The following INSYN2B variants were observed in gnomAD, a reference collection of about 807,000 sequenced individuals.
The protein encoded by INSYN2B is inhibitory synaptic factor family member 2B.
INSYN2B carries 16 observed loss-of-function variants against 41.2 expected under a neutral mutation model. The observed-to-expected ratio is 0.39, with a 90% CI of 0.26 to 0.59. The LOEUF (loss-of-function observed/expected upper bound fraction) is 0.59. Among genes scored for constraint, INSYN2B ranks in the 20% least tolerant of loss-of-function variants. INSYN2B has a pLI of 0.57. For missense variants in INSYN2B, 608 were observed against 646.4 expected (o/e 0.94, Z 0.64); for synonymous variants, 245 against 244.4 (o/e 1.00, Z -0.02).
intron 1 of INSYN2B, among the ~76,000 whole-genome samples, chr5:169,950,216 A>G (rs1776602565): frequency 6.6e-6 from 1 of 152,194 alleles, no homozygotes; most frequent in Non-Finnish European, 1.5e-5. Context: ...GTCAGATTCA[A>G]ACCCCAGCTC....
chr5:169,944,462 G>A (rs1561842475), intron 1 of INSYN2B, among the ~76,000 whole-genome samples: 1 of 152,242 alleles, frequency 6.6e-6, no homozygotes, highest in Non-Finnish European at 1.5e-5. Flanking sequence ...GATGCTGAAG[G>A]AGGCAGGAGA....
In INSYN2B at chr5:169,911,498, C is replaced by G. The variant is rs1774596654; in HGVS notation, c.-918-26682G>C. 3.3e-5 allele frequency among the ~76,000 whole-genome samples: 5 copies of G among 152,308 alleles called. No homozygotes were observed. The South Asian group carries it at 1.0e-3, about 32-fold the overall frequency. On this transcript the variant is annotated intron_variant, in intron 1 of 3. Transcript: ENST00000377365. ...GTTTAATGTGGCCAGTGACATTTTT[C>G]CAAGTCTGTTTATTACCTGCTGGTG...
chr5:169,870,190 G>C (rs1771864019), intron 3 of INSYN2B, among the ~76,000 whole-genome samples: 1 of 152,184 alleles, frequency 6.6e-6, no homozygotes, highest in Non-Finnish European at 1.5e-5. Context: ...TGCATTTAGA[G>C]AGTGAGCTAT....
intron 1 of INSYN2B, among the ~76,000 whole-genome samples, chr5:169,903,965 T>TGGCAGGAG (rs375077358): frequency 1.5e-4 from 23 of 151,792 alleles, no homozygotes; most frequent in African/African-American, 5.3e-4. Flanking sequence ...CTGGGCGTGG[T>TGGCAGGAG]CCTGTAATCC....
At chr5:169,864,859 C>A (rs746893775) in intron 3 of INSYN2B, among the ~76,000 whole-genome samples, 29 of 152,184 alleles carry the variant, frequency 1.9e-4, no homozygotes, top group Non-Finnish European at 3.1e-4. Flanking sequence ...GTTTCATTAT[C>A]TGTAAAATGG....
intron 1 of INSYN2B, among the ~76,000 whole-genome samples, chr5:169,925,285 A>G (rs1775376785): frequency 6.6e-6 from 1 of 152,146 alleles, no homozygotes; most frequent in South Asian, 2.1e-4. Context: ...GGTGACTGAA[A>G]CCCTGCAGGT....
chr5:169,887,856 A>G (rs979985179), intron 1 of INSYN2B, among the ~76,000 whole-genome samples: 2 of 152,208 alleles, frequency 1.3e-5, no homozygotes, highest in Non-Finnish European at 2.9e-5. Flanking sequence ...CCATTACTGC[A>G]TGAGAAGGTC....
At chr5:169,922,579 G>A (rs113622749) in intron 1 of INSYN2B, among the ~76,000 whole-genome samples, 1 of 152,300 alleles carries the variant, frequency 6.6e-6, no homozygotes, top group South Asian at 2.1e-4. Flanking sequence ...TTGAGGATTT[G>A]CAGTTTAGAG....
chr5:169,875,621 A>C lies in INSYN2B; in HGVS notation c.1421+5747T>G, dbSNP rs538557146. 31 of 227,528 alleles carry C rather than the reference A, an allele frequency of 1.4e-4. 2 individuals are homozygous for C. The South Asian group carries it at 1.7e-3, about 13-fold the overall frequency. The allele number at this position is 227,528 out of a possible 1,614,324, so 14.1% of individuals were successfully genotyped here. On this transcript the variant is annotated intron_variant, in intron 3 of 3. Coordinates refer to ENST00000377365, the MANE Select transcript of INSYN2B (RefSeq NM_001129891.3). ...CTTCAATTGCCTAATCTGAATGTTGAGCAAGTGCCTGACCCTTCCTGAGCA... is the reference window on the plus strand; with the variant it reads ...CTTCAATTGCCTAATCTGAATGTTGCGCAAGTGCCTGACCCTTCCTGAGCA...
chr5:169,934,804 T>C (rs1775913523), intron 1 of INSYN2B: 5 of 442,278 alleles, frequency 1.1e-5, no homozygotes, highest in South Asian at 8.0e-5. Flanking sequence ...CATTATTATC[T>C]GTATGATAAA....
At chr5:169,910,073 G>T (rs1285714320) in intron 1 of INSYN2B, among the ~76,000 whole-genome samples, 1 of 152,056 alleles carries the variant, frequency 6.6e-6, no homozygotes, top group East Asian at 1.9e-4. Flanking sequence ...TACTCTGAAT[G>T]GCACCAAAGC....
intron 3 of INSYN2B, among the ~76,000 whole-genome samples, chr5:169,880,822 CT>C (rs1332401947): frequency 6.6e-6 from 1 of 152,104 alleles, no homozygotes; most frequent in East Asian, 1.9e-4. Flanking sequence ...CCTTTTGTCA[CT>C]TATAAAAATT....
intron 1 of INSYN2B, among the ~76,000 whole-genome samples, chr5:169,940,035 G>C (rs535917582): frequency 6.6e-6 from 1 of 152,314 alleles, no homozygotes; most frequent in East Asian, 1.9e-4. Context: ...CCATTCCCCA[G>C]GGAGTTTTCT....
rs1467876679 is a variant in INSYN2B, at chr5:169,883,990, A to G, written c.-92T>C. 22 of 1,248,934 alleles carry G rather than the reference A, an allele frequency of 1.8e-5. No individual in the cohort carries two copies. Among genetic ancestry groups the G allele is most frequent in the Admixed American group, 3.0e-5 (1 of 32,846 alleles). The allele number at this position is 1,248,934 out of a possible 1,614,324, so 77.4% of individuals were successfully genotyped here. A position where few individuals can be genotyped will look rare whatever the true frequency, so the allele number is the denominator to read the frequency against. On this transcript the variant is annotated 5_prime_UTR_variant, in exon 2 of 4. Coordinates refer to ENST00000377365, the MANE Select transcript of INSYN2B (RefSeq NM_001129891.3). ...AGCAGTATCTAATGATAGTATTTCAATCATAGAGAACTGCTGGCCAGGATG... is the reference window on the plus strand; with the variant it reads ...AGCAGTATCTAATGATAGTATTTCAGTCATAGAGAACTGCTGGCCAGGATG...
At chr5:169,974,856 T>C (rs12332191) in intron 1 of INSYN2B, among the ~76,000 whole-genome samples, 20 of 131,166 alleles carry the variant, frequency 1.5e-4, no homozygotes, top group East Asian at 2.3e-4. Context: ...CACACACACA[T>C]GTTTCCATGG....
intron 1 of INSYN2B, among the ~76,000 whole-genome samples, chr5:169,936,578 C>CTTTTTT (rs4041977): frequency 8.1e-5 from 10 of 122,816 alleles, no homozygotes; most frequent in East Asian, 4.8e-4. Context: ...TCTCAGACTC[C>CTTTTTT]TTTTTTTTTT....
intron 1 of INSYN2B, among the ~76,000 whole-genome samples, chr5:169,936,599 T>TTTA (rs1436303619): frequency 7.6e-6 from 1 of 130,786 alleles, no homozygotes; most frequent in African/African-American, 3.0e-5. Context: ...TTTTTTTTTT[T>TTTA]ATGAATTAGC....
chr5:169,926,827 A>C (rs1775483701), intron 1 of INSYN2B, among the ~76,000 whole-genome samples: 1 of 152,230 alleles, frequency 6.6e-6, no homozygotes, highest in Admixed American at 6.5e-5. Flanking sequence ...CAGTGGAAAC[A>C]CAGGATGAAC....
At position 169,964,460 on chromosome 5, in the gene INSYN2B, C is replaced by T. The variant is rs148878227; in HGVS notation, c.-919+15817G>A. On this transcript the variant is annotated intron_variant, in intron 1 of 3. Transcript: ENST00000377365. The stretch of plus-strand genomic sequence containing the variant: ...AGAGGCCTGGGAGGGGGCAGCTAGA[C>T]GCAGTGAACTGTGTCAGACAGGTGG... Among the ~76,000 whole-genome samples the T allele has an allele frequency of 1.5e-3, 236 of 152,362 alleles. 2 individuals are homozygous for T. Among genetic ancestry groups the T allele is most frequent in the South Asian group, 3.9e-3 (19 of 4,830 alleles).
Sources: allele counts gnomAD v4.1 joint callset (sites outside exome capture counted in the v4.1 genomes callset), GRCh38; gene constraint gnomAD v4.1.1; transcripts MANE v1.5; gene names NCBI Gene and HGNC (gene_info 2026-07-23, HGNC 2026-07-21).